The following CCDC102B variants were observed in gnomAD, a reference collection of about 807,000 sequenced individuals.
CCDC102B encodes the protein coiled-coil domain containing 102B, also known as coiled-coil domain-containing protein 102B.
In CCDC102B, 75 loss-of-function variants were observed where a neutral mutation model predicts 57.4. The ratio of observed to expected loss-of-function variants is 1.31; its 90% CI spans 1.08 to 1.58. The LOEUF is 1.58. CCDC102B is among the 40% of genes most tolerant of loss of function. The pLI is 0.00. For synonymous variants in CCDC102B, 206 were observed against 201.9 expected, an observed-to-expected ratio of 1.02 and a Z score of -0.17; for missense variants, 636 against 582.6, an observed-to-expected ratio of 1.09 and a Z score of -0.94.
intron 6 of CCDC102B, among the ~76,000 whole-genome samples, chr18:68,939,360 C>A (rs1294022367): frequency 6.6e-6 from 1 of 151,622 alleles, no homozygotes; most frequent in Non-Finnish European, 1.5e-5. Flanking sequence ...TATTAAATAT[C>A]ATTTATGTTT....
intron 5 of CCDC102B, among the ~76,000 whole-genome samples, chr18:68,875,948 C>T (rs58296987): frequency 0.14 from 20,907 of 151,932 alleles, 1,727 homozygotes; most frequent in East Asian, 0.25. Context: ...GGTGAGATGG[C>T]ATGTTTCAAG....
chr18:69,008,054 A>G (rs1431329030), intron 6 of CCDC102B, among the ~76,000 whole-genome samples: 6 of 152,240 alleles, frequency 3.9e-5, no homozygotes, highest in African/African-American at 1.4e-4. Flanking sequence ...GTAATTCCGG[A>G]GAGAAAGCCA....
rs1341359303 is a variant in CCDC102B, at chr18:68,789,901, G to C, written c.-66-33465G>C. ...ACTGCGTTCCTTTGGAGGAGGAGAGGTTCTCTGCTTTTTAGAGTTTCCAGT... is the reference window on the plus strand; with the variant it reads ...ACTGCGTTCCTTTGGAGGAGGAGAGCTTCTCTGCTTTTTAGAGTTTCCAGT... On this transcript the variant is annotated intron_variant, in intron 2 of 3. Transcript: ENST00000578970. Among the ~76,000 whole-genome samples the C allele has an allele frequency of 2.0e-5, 3 of 150,598 alleles. No individual in the cohort carries two copies. The East Asian group carries it at 5.9e-4, about 29-fold the overall frequency.
chr18:68,773,097 A>G lies in CCDC102B; in HGVS notation c.-66-50269A>G, dbSNP rs79786558. Among the ~76,000 whole-genome samples the G allele has an allele frequency of 5.0e-3, 760 of 152,212 alleles. 3 individuals are homozygous for G. Among genetic ancestry groups the G allele is most frequent in the African/African-American group, 0.017 (696 of 41,552 alleles). On this transcript the variant is annotated intron_variant, in intron 2 of 3. Transcript: ENST00000578970. The stretch of plus-strand genomic sequence containing the variant: ...CAATCAATACCACCATGCCCTCAAA[A>G]ACATGTCATTAGCCATAATAATTTA...
intron 2 of CCDC102B, among the ~76,000 whole-genome samples, chr18:68,722,260 G>A (rs1486126477): frequency 6.6e-6 from 1 of 152,162 alleles, no homozygotes; most frequent in African/African-American, 2.4e-5. Flanking sequence ...AGTAAAGAAA[G>A]GACAGTCATT....
intron 6 of CCDC102B, among the ~76,000 whole-genome samples, chr18:68,906,809 C>T (rs2040661608): frequency 6.7e-6 from 1 of 148,636 alleles, no homozygotes; most frequent in African/African-American, 2.5e-5. Flanking sequence ...TTGATACACG[C>T]AGTTTTACAT....
At chr18:68,848,181 A>G (rs1346355076) in intron 4 of CCDC102B, among the ~76,000 whole-genome samples, 1 of 151,934 alleles carries the variant, frequency 6.6e-6, no homozygotes, top group Non-Finnish European at 1.5e-5. Flanking sequence ...CACAAGTATA[A>G]GAGTAAAATA....
At chr18:69,000,926 G>A (rs895062927) in intron 6 of CCDC102B, among the ~76,000 whole-genome samples, 1 of 151,906 alleles carries the variant, frequency 6.6e-6, no homozygotes, top group African/African-American at 2.4e-5. Context: ...AAATATTGGT[G>A]ATACATACAG....
intron 2 of CCDC102B, among the ~76,000 whole-genome samples, chr18:68,765,399 G>GAAA (rs2144600333): frequency 2.1e-5 from 3 of 145,866 alleles, no homozygotes; most frequent in African/African-American, 5.1e-5. Context: ...AGAAAAGAAA[G>GAAA]GAAGGAAGGA....
intron 1 of CCDC102B, among the ~76,000 whole-genome samples, chr18:68,813,792 A>ATATATATC (rs1396012169): frequency 8.7e-5 from 13 of 149,960 alleles, no homozygotes; most frequent in Middle Eastern, 3.6e-3. Flanking sequence ...ATATATATAT[A>ATATATATC]TCTTTAGTTT....
At chr18:68,822,661 T>C (rs1320577070) in intron 1 of CCDC102B, among the ~76,000 whole-genome samples, 1 of 152,160 alleles carries the variant, frequency 6.6e-6, no homozygotes, top group Non-Finnish European at 1.5e-5. Context: ...CAATGTCTAT[T>C]GTTTCCATTT....
At chr18:68,741,704 CACACACA>C (rs753913005) in intron 2 of CCDC102B, among the ~76,000 whole-genome samples, 1 of 117,170 alleles carries the variant, frequency 8.5e-6, no homozygotes, top group African/African-American at 3.8e-5. Flanking sequence ...CACACACACA[CACACACA>C]CACCCCAAGA....
intron 1 of CCDC102B, among the ~76,000 whole-genome samples, chr18:68,824,105 G>T (rs2036809402): frequency 2.0e-5 from 3 of 152,078 alleles, no homozygotes; most frequent in Admixed American, 1.3e-4. Flanking sequence ...TGCTTTGGGA[G>T]ACTCAGCCGA....
intron 1 of CCDC102B, among the ~76,000 whole-genome samples, chr18:68,816,140 C>A (rs1031513353): frequency 6.6e-5 from 10 of 152,182 alleles, no homozygotes; most frequent in African/African-American, 2.4e-4. Flanking sequence ...TCTACCTTCA[C>A]TGAAGATTTG....
At chr18:68,841,027 A>G (rs2037604594) in intron 3 of CCDC102B, among the ~76,000 whole-genome samples, 2 of 152,338 alleles carry the variant, frequency 1.3e-5, no homozygotes, top group Admixed American at 6.5e-5. Context: ...CACGGACGTG[A>G]TGAGTCATGG....
chr18:68,916,440 T>G (rs2041076772), intron 6 of CCDC102B, among the ~76,000 whole-genome samples: 1 of 152,212 alleles, frequency 6.6e-6, no homozygotes, highest in African/African-American at 2.4e-5. Flanking sequence ...GCTCTGTATC[T>G]CCTTGTTGCC....
chr18:68,889,612 G>GT (rs2040005847), intron 5 of CCDC102B, among the ~76,000 whole-genome samples: 2 of 152,106 alleles, frequency 1.3e-5, no homozygotes, highest in East Asian at 1.9e-4. Flanking sequence ...TTGTTTGTTT[G>GT]TTTTTTCAGT....
intron 4 of CCDC102B, among the ~76,000 whole-genome samples, chr18:68,856,255 A>G (rs1316312336): frequency 6.6e-6 from 1 of 152,140 alleles, no homozygotes; most frequent in Admixed American, 6.6e-5. Flanking sequence ...TTTTTTCTAT[A>G]GGAAAAATGT....
chr18:68,836,057 T>C (rs141770902), intron 1 of CCDC102B, among the ~76,000 whole-genome samples: 25 of 152,194 alleles, frequency 1.6e-4, no homozygotes, highest in African/African-American at 5.3e-4. Flanking sequence ...CCTGAACAAA[T>C]TGAGGCTTCG....
Sources: allele counts gnomAD v4.1 joint callset (sites outside exome capture counted in the v4.1 genomes callset), GRCh38; gene constraint gnomAD v4.1.1; transcripts MANE v1.5; gene names NCBI Gene and HGNC (gene_info 2026-07-23, HGNC 2026-07-21).